Variants in NPAS2 observed in about 807,000 individuals in gnomAD.
NPAS2 encodes neuronal PAS domain-containing protein 2.
NPAS2 carries 23 observed loss-of-function variants against 107.5 expected under a neutral mutation model. That is an observed-to-expected ratio of 0.21 (90% CI 0.15 to 0.30). NPAS2 has a LOEUF of 0.30. NPAS2 is among the 10% of genes least tolerant of loss of function. The probability of loss-of-function intolerance (pLI) is 1.00; values close to 1 mark genes in which losing one functional copy is unlikely to be tolerated. For synonymous variants in NPAS2, 403 were observed against 417.5 expected (o/e 0.97, Z 0.42); for missense variants, 756 against 1,043.3 (o/e 0.72, Z 3.79).
intron 1 of NPAS2, among the ~76,000 whole-genome samples, chr2:100,865,606 C>T (rs897932625): frequency 6.6e-6 from 1 of 152,188 alleles, no homozygotes; most frequent in Non-Finnish European, 1.5e-5. Context: ...AGCTCTTAAA[C>T]ACTCAGAACC....
intron 1 of NPAS2, among the ~76,000 whole-genome samples, chr2:100,860,856 GT>G (rs917515668): frequency 2.5e-4 from 37 of 151,012 alleles, no homozygotes; most frequent in African/African-American, 8.8e-4. Context: ...ACTTAGCATG[GT>G]TTTTTTTTAT....
intron 1 of NPAS2, among the ~76,000 whole-genome samples, chr2:100,831,440 CAA>C (rs1335326152): frequency 6.6e-6 from 1 of 152,168 alleles, no homozygotes; most frequent in African/African-American, 2.4e-5. Flanking sequence ...GATCTAATAA[CAA>C]ATACGAGGAA....
At chr2:100,906,683 C>T (rs1387258174) in intron 2 of NPAS2, among the ~76,000 whole-genome samples, 3 of 152,172 alleles carry the variant, frequency 2.0e-5, no homozygotes, top group African/African-American at 4.8e-5. Context: ...CTCCCTCTCC[C>T]GGGTTCAAGC....
chr2:100,861,468 A>G (rs1228002843), intron 1 of NPAS2, among the ~76,000 whole-genome samples: 1 of 152,068 alleles, frequency 6.6e-6, no homozygotes, highest in African/African-American at 2.4e-5. Flanking sequence ...TCCTTTTCTG[A>G]CAAAAGAAAC....
intron 1 of NPAS2, among the ~76,000 whole-genome samples, chr2:100,881,663 G>A (rs1309169226): frequency 6.6e-6 from 1 of 151,868 alleles, no homozygotes; most frequent in Non-Finnish European, 1.5e-5. Context: ...TCCAGCCTGG[G>A]CCACAGAGTG....
intron 1 of NPAS2, among the ~76,000 whole-genome samples, chr2:100,865,918 C>T (rs1231670302): frequency 6.6e-6 from 1 of 152,218 alleles, no homozygotes; most frequent in African/African-American, 2.4e-5. Context: ...CTTGCCTAGA[C>T]CCTGGCCCTG....
intron 7 of NPAS2, among the ~76,000 whole-genome samples, chr2:100,955,238 T>G (rs1279144910): frequency 6.6e-6 from 1 of 152,172 alleles, no homozygotes; most frequent in Non-Finnish European, 1.5e-5. Context: ...CTGGGCAGTT[T>G]AGTTAGTGGA....
chr2:100,891,362 T>C (rs1223937977), intron 1 of NPAS2, among the ~76,000 whole-genome samples: 3 of 152,116 alleles, frequency 2.0e-5, no homozygotes, highest in Non-Finnish European at 2.9e-5. Flanking sequence ...TGGTGCAACA[T>C]GAGGGTATGT....
intron 1 of NPAS2, among the ~76,000 whole-genome samples, chr2:100,833,137 C>T (rs541961512): frequency 2.0e-5 from 3 of 152,114 alleles, no homozygotes; most frequent in Non-Finnish European, 4.4e-5. Flanking sequence ...GAGTGGCCAT[C>T]GTCTTATGGG....
At chr2:100,975,179 T>C in intron 13 of NPAS2, 4 of 584,600 alleles carry the variant, frequency 6.8e-6, no homozygotes, top group Non-Finnish European at 1.2e-5. Flanking sequence ...TGCACAGATC[T>C]GATCCCTTGA....
rs145381826 is a variant in NPAS2, at chr2:100,867,064, C to A, written c.-22-37669C>A. Among the ~76,000 whole-genome samples the A allele has an allele frequency of 1.6e-3, 251 of 152,290 alleles. 4 individuals carry two copies. Among genetic ancestry groups the A allele is most frequent in the East Asian group, 2.7e-3 (14 of 5,188 alleles). ...TGAATTTGAAGTGGATGCTCCAAAT[C>A]CCCTGTTAGGAGGACTGAAACATAG... On this transcript the variant is annotated intron_variant, in intron 1 of 20. Transcript: ENST00000335681.
chr2:100,974,940 C>T lies in NPAS2; in HGVS notation c.1278C>T (p.Pro426=), dbSNP rs1319202782. 4.3e-6 allele frequency: 7 copies of T among 1,613,760 alleles called. No homozygotes were observed. Among genetic ancestry groups the T allele is most frequent in the Non-Finnish European group, 5.9e-6 (7 of 1,179,850 alleles). ...CCTCGCACACAGCCATGTCAGAACC[C>T]ACCTGTGAGTGCGAGTCCATGGATG... is the stretch of plus-strand genomic sequence containing the variant. ...HKSSHTAMSE[P]TSTPTKLMAE... is the part of the protein sequence containing the mutation. Residue 426 remains proline (P), a synonymous_variant, in exon 13 of 21, where the codon CCC becomes CCT. Coordinates refer to ENST00000335681, the MANE Select transcript of NPAS2 (RefSeq NM_002518.4).
At chr2:100,918,068 T>TTA (rs140489215) in intron 2 of NPAS2, among the ~76,000 whole-genome samples, 5 of 149,388 alleles carry the variant, frequency 3.3e-5, no homozygotes, top group Admixed American at 6.7e-5. Context: ...CTATATATAT[T>TTA]TATATATATT....
intron 1 of NPAS2, among the ~76,000 whole-genome samples, chr2:100,901,116 C>T (rs1681741777): frequency 6.6e-6 from 1 of 152,162 alleles, no homozygotes; most frequent in African/African-American, 2.4e-5. Context: ...TTCTACCTCC[C>T]CATTTGTTTA....
At chr2:100,902,218 G>T (rs892130790) in intron 1 of NPAS2, among the ~76,000 whole-genome samples, 2 of 152,084 alleles carry the variant, frequency 1.3e-5, no homozygotes, top group African/African-American at 4.8e-5. Flanking sequence ...TTCCTTGTTT[G>T]CCTTCAAGCT....
At chr2:100,986,760 A>T (rs1466869203) in intron 16 of NPAS2, 1 of 152,206 alleles carries the variant, frequency 6.6e-6, no homozygotes, top group Non-Finnish European at 1.5e-5. Flanking sequence ...CTCTAACTAG[A>T]TTTTTATTTA....
rs141681664 is a variant in NPAS2 at position 100,969,081 on chromosome 2, C to T, written c.1055+653C>T. ...GGGAAAATGGTCTTCTCCCCGACTACGGAAATTTTAAGAACGTAAATTAGT... is the reference window on the plus strand; with the variant it reads ...GGGAAAATGGTCTTCTCCCCGACTATGGAAATTTTAAGAACGTAAATTAGT... On this transcript the variant is annotated intron_variant, in intron 11 of 20. Coordinates refer to ENST00000335681, the MANE Select transcript of NPAS2 (RefSeq NM_002518.4). Among the ~76,000 whole-genome samples the T allele has an allele frequency of 1.1e-4, 16 of 151,920 alleles. No homozygotes were observed. The East Asian group carries it at 1.5e-3, about 15-fold the overall frequency.
chr2:100,862,992 A>G (rs1487970929), intron 1 of NPAS2, among the ~76,000 whole-genome samples: 3 of 152,204 alleles, frequency 2.0e-5, no homozygotes, highest in Admixed American at 6.5e-5. Context: ...CTGCCTTGCT[A>G]TAAGGTCGTG....
At chr2:100,898,798 AAAC>A (rs906186498) in intron 1 of NPAS2, among the ~76,000 whole-genome samples, 2 of 151,802 alleles carry the variant, frequency 1.3e-5, no homozygotes, top group East Asian at 1.9e-4. Flanking sequence ...AAAAAAAAAA[AAAC>A]AAACCTGAAA....
Sources: gnomAD v4.1 joint callset for allele counts (sites outside exome capture counted in the v4.1 genomes callset) on GRCh38, gnomAD v4.1.1 for gene constraint, MANE v1.5 for transcripts, NCBI Gene and HGNC (gene_info 2026-07-23, HGNC 2026-07-21) for gene names.